The following NXN variants were observed in gnomAD, a reference collection of about 807,000 sequenced individuals.
The protein encoded by NXN is nucleoredoxin 1.
A neutral mutation model predicts 48.6 loss-of-function variants in NXN; 16 were observed. That is an observed-to-expected ratio of 0.33 (90% CI 0.22 to 0.50). The LOEUF (loss-of-function observed/expected upper bound fraction) is 0.50. Among genes scored for constraint, NXN ranks in the 20% least tolerant of loss-of-function variants. The pLI is 0.98. For synonymous variants in NXN, 281 were observed against 269.6 expected (o/e 1.04, Z -0.41); for missense variants, 492 against 605.5 (o/e 0.81, Z 1.97).
chr17:927,324 T>C (rs1597248478), intron 1 of NXN, among the ~76,000 whole-genome samples: 1 of 149,618 alleles, frequency 6.7e-6, no homozygotes, highest in African/African-American at 2.5e-5. Flanking sequence ...GAAGCAAAAT[T>C]AGGACTGGGT....
At chr17:943,082 G>A (rs573753083) in intron 1 of NXN, among the ~76,000 whole-genome samples, 4 of 152,338 alleles carry the variant, frequency 2.6e-5, no homozygotes, top group South Asian at 4.2e-4. Flanking sequence ...GGGGTGGCCC[G>A]GCACTAGACC....
At chr17:843,049 AAAGAAAGAAGG>A (rs1368224906) in intron 1 of NXN, among the ~76,000 whole-genome samples, 69 of 130,262 alleles carry the variant, frequency 5.3e-4, no homozygotes, top group South Asian at 9.1e-4. Context: ...AGAAAGAAAG[AAAGAAAGAAGG>A]AAGAAAGCAA....
chr17:922,444 CAAAAAAAG>C (rs1339554215), intron 1 of NXN, among the ~76,000 whole-genome samples: 1 of 150,690 alleles, frequency 6.6e-6, no homozygotes, highest in East Asian at 2.0e-4. Flanking sequence ...AACTCCGTCT[CAAAAAAAG>C]AAAAAAAGAA....
At chr17:942,957 T>C (rs62067247) in intron 1 of NXN, among the ~76,000 whole-genome samples, 6,260 of 26,012 alleles carry the variant, frequency 0.24, 23 homozygotes, top group African/African-American at 0.28. Context: ...GGATTTACAG[T>C]GAACAAGATT....
intron 1 of NXN, among the ~76,000 whole-genome samples, chr17:852,720 C>T (rs1051747599): frequency 5.3e-5 from 8 of 152,142 alleles, no homozygotes; most frequent in Middle Eastern, 3.2e-3. Flanking sequence ...TCCCCCTGCA[C>T]GGTTGGGATT....
intron 1 of NXN, among the ~76,000 whole-genome samples, chr17:963,883 G>C (rs1229349663): frequency 1.2e-4 from 18 of 151,400 alleles, no homozygotes; most frequent in South Asian, 6.3e-4. Flanking sequence ...CGAGACCATC[G>C]TGGCTAACGT....
chr17:934,466 C>T (rs1229037289), intron 1 of NXN, among the ~76,000 whole-genome samples: 1 of 148,892 alleles, frequency 6.7e-6, no homozygotes, highest in East Asian at 2.0e-4. Flanking sequence ...AAAAAAAGTA[C>T]AATAAGAAGA....
chr17:947,947 A>G (rs1455447598), intron 1 of NXN, among the ~76,000 whole-genome samples: 1 of 151,292 alleles, frequency 6.6e-6, no homozygotes, highest in Non-Finnish European at 1.5e-5. Context: ...GCTACTCGGG[A>G]GGCTGAGGCA....
chr17:891,442 C>T (rs1567851081), intron 1 of NXN, among the ~76,000 whole-genome samples: 1 of 152,204 alleles, frequency 6.6e-6, no homozygotes, highest in East Asian at 1.9e-4. Context: ...TCCATATCTG[C>T]CTTTAATAAA....
intron 1 of NXN, among the ~76,000 whole-genome samples, chr17:913,262 T>C (rs898347155): frequency 3.3e-5 from 5 of 149,386 alleles, no homozygotes; most frequent in Non-Finnish European, 5.9e-5. Context: ...AAGCCAACAG[T>C]TGATCACCAA....
At position 956,842 on chromosome 17, in the gene NXN, G is replaced by C. The variant is rs2069176344; in HGVS notation, c.360+22477C>G. 6.6e-6 allele frequency among the ~76,000 whole-genome samples: 1 copy of C among 152,170 alleles called. No individual in the cohort carries two copies. The highest frequency in any genetic ancestry group is 1.5e-5 in the Non-Finnish European group (1 of 68,034). ...TAACTTGCCCAAGATCTCAAAGCTG[G>C]AGAGCGGGAAAGATGGATCAGAACC... On this transcript the variant is annotated intron_variant, in intron 1 of 7. Transcript: ENST00000336868. The surrounding 1 kb of genome is among the most constrained non-coding windows in gnomAD (Gnocchi z 4.1).
chr17:833,182 C>G (rs1913591645), intron 1 of NXN, among the ~76,000 whole-genome samples: 1 of 152,212 alleles, frequency 6.6e-6, no homozygotes, highest in Non-Finnish European at 1.5e-5. Flanking sequence ...TGAGCCACCG[C>G]ACCCGGCCGA....
chr17:896,731 TAC>T (rs2068490385), intron 1 of NXN, among the ~76,000 whole-genome samples: 1 of 152,216 alleles, frequency 6.6e-6, no homozygotes. Flanking sequence ...CATCTGTTTT[TAC>T]AGAGAGTTGT....
intron 1 of NXN, among the ~76,000 whole-genome samples, chr17:851,873 G>A (rs1002813280): frequency 4.6e-5 from 7 of 152,228 alleles, no homozygotes; most frequent in Admixed American, 2.0e-4. Context: ...TGCGGAAAGC[G>A]GAGGTCGGCT....
intron 1 of NXN, among the ~76,000 whole-genome samples, chr17:914,086 G>C (rs1232995680): frequency 1.3e-5 from 2 of 152,074 alleles, no homozygotes. Flanking sequence ...TTTTAATAGA[G>C]ACAGGGTTTC....
At chr17:940,871 C>T (rs1430731514) in intron 1 of NXN, among the ~76,000 whole-genome samples, 2 of 150,058 alleles carry the variant, frequency 1.3e-5, no homozygotes, top group Non-Finnish European at 2.9e-5. Context: ...AGGGTGCAGC[C>T]ATGAATTCAC....
intron 5 of NXN, among the ~76,000 whole-genome samples, chr17:805,699 G>A (rs369989668): frequency 4.3e-4 from 66 of 152,216 alleles, no homozygotes; most frequent in African/African-American, 1.5e-3. Context: ...CTAGCTGGGC[G>A]TGGTGGCGGG....
intron 5 of NXN, among the ~76,000 whole-genome samples, chr17:809,074 C>A (rs1025233509): frequency 1.3e-5 from 2 of 152,112 alleles, no homozygotes; most frequent in Middle Eastern, 3.2e-3. Context: ...TCAACAGAGT[C>A]CTCCGTGATG....
chr17:846,069 G>A (rs529246857), intron 1 of NXN, among the ~76,000 whole-genome samples: 11 of 151,730 alleles, frequency 7.2e-5, no homozygotes, highest in South Asian at 2.1e-4. Flanking sequence ...GGGACAGAGC[G>A]AGACTGCATC....
Sources: allele counts gnomAD v4.1 joint callset (sites outside exome capture counted in the v4.1 genomes callset), GRCh38; gene constraint gnomAD v4.1.1; non-coding constraint Gnocchi (gnomAD v3.1); transcripts MANE v1.5; gene names NCBI Gene and HGNC (gene_info 2026-07-23, HGNC 2026-07-21).